The following CRB1 variants were observed in gnomAD, a reference collection of about 807,000 sequenced individuals.
The protein encoded by CRB1 is crumbs cell polarity complex component 1.
Under a neutral mutation model 120.0 loss-of-function variants are expected in CRB1, and 83 were observed. The ratio of observed to expected loss-of-function variants is 0.69; its 90% CI spans 0.58 to 0.83. The LOEUF (loss-of-function observed/expected upper bound fraction) is 0.83. Ranked by LOEUF, CRB1 falls within the 40% of genes least tolerant of loss-of-function variation. The probability of loss-of-function intolerance (pLI) is 0.00; values close to 1 mark genes in which losing one functional copy is unlikely to be tolerated. For missense variants in CRB1, 1,699 were observed against 1,687.6 expected, an observed-to-expected ratio of 1.01 and a Z score of -0.12; for synonymous variants, 625 against 612.5, an observed-to-expected ratio of 1.02 and a Z score of -0.30.
intron 11 of CRB1, among the ~76,000 whole-genome samples, chr1:197,446,090 C>T (rs1403638629): frequency 2.0e-5 from 3 of 151,096 alleles, no homozygotes; most frequent in Non-Finnish European, 2.9e-5. Flanking sequence ...CTCAGGAGGC[C>T]GAGGAAGGAG....
chr1:197,435,092 A>G lies in CRB1; in HGVS notation c.3229A>G (p.Asn1077Asp). The change falls in exon 9 of 12, where the codon AAT (asparagine) becomes GAT (aspartate). Residue 1077 changes from asparagine to aspartate, a missense_variant. Coordinates refer to ENST00000367400, the MANE Select transcript of CRB1 (RefSeq NM_201253.3). Reference protein sequence around the residue: ...ATGSLNFLKDNTDIYVGDRAI... With the variant: ...ATGSLNFLKDDTDIYVGDRAI... ...TGGAAGCCTCAACTTTTTGAAGGAT[A>G]ATACAGATATTTATGTGGGAGACAG... 1 of 1,613,984 alleles carries G rather than the reference A, an allele frequency of 6.2e-7. No homozygotes were observed. The highest frequency in any genetic ancestry group is 2.2e-5 in the East Asian group (1 of 44,882).
At chr1:197,201,541 T>G in the CRB1 span, among the ~76,000 whole-genome samples, 2 of 152,148 alleles carry the variant, frequency 1.3e-5, no homozygotes, top group African/African-American at 2.4e-5. Context: ...GCCGAATCCG[T>G]TACTCCGGGT....
chr1:197,242,387 G>A, the CRB1 span, among the ~76,000 whole-genome samples: 1 of 152,066 alleles, frequency 6.6e-6, no homozygotes, highest in African/African-American at 2.4e-5. Flanking sequence ...TTAGCATGAA[G>A]GGGTGTTTAA....
Position 197,443,506 on chromosome 1 carries a change from A to G in CRB1, c.4005+1214A>G, listed in dbSNP as rs534134293. ...ATGGACTAATTTCAGTTGCTTTTCA[A>G]TGAATATTTAATAAAAATAAGCACT... On this transcript the variant is annotated intron_variant, in intron 11 of 11. Coordinates refer to ENST00000367400, the MANE Select transcript of CRB1 (RefSeq NM_201253.3). 9.2e-5 allele frequency: 14 copies of G among 152,064 alleles called. No homozygotes were observed. In the East Asian group the frequency reaches 2.7e-3, roughly 29 times the overall value. The allele number at this position is 152,064 out of a possible 1,614,324, so 9.4% of individuals were successfully genotyped here.
intron 5 of CRB1, among the ~76,000 whole-genome samples, chr1:197,413,538 G>A (rs1463843423): frequency 6.6e-6 from 1 of 152,144 alleles, no homozygotes; most frequent in Admixed American, 6.5e-5. Context: ...TTGTTGTAAA[G>A]CAAAATAAAA....
At chr1:197,356,768 A>T in intron 4 of CRB1, 63 bp from the exon 5 acceptor site, 1 of 1,548,374 alleles carries the variant, frequency 6.5e-7, no homozygotes, top group South Asian at 1.1e-5. Flanking sequence ...ACCTCCTTTT[A>T]GGCAAATGCT....
intron 5 of CRB1, among the ~76,000 whole-genome samples, chr1:197,388,985 C>A (rs1376391468): frequency 6.6e-6 from 1 of 152,050 alleles, no homozygotes; most frequent in Non-Finnish European, 1.5e-5. Flanking sequence ...TAGAGGAATG[C>A]AAATCAAAAC....
chr1:197,241,548 C>T, the CRB1 span, among the ~76,000 whole-genome samples: 1 of 152,066 alleles, frequency 6.6e-6, no homozygotes, highest in Non-Finnish European at 1.5e-5. Context: ...CTATCCTGTT[C>T]CATTGGTCTA....
the CRB1 span, among the ~76,000 whole-genome samples, chr1:197,216,398 A>G: frequency 6.6e-6 from 1 of 152,178 alleles, no homozygotes. Flanking sequence ...ATAGATCCTG[A>G]TAATAAGTCA....
At chr1:197,205,388 C>T in the CRB1 span, among the ~76,000 whole-genome samples, 1 of 152,138 alleles carries the variant, frequency 6.6e-6, no homozygotes, top group Non-Finnish European at 1.5e-5. Context: ...GTGAATTTGT[C>T]ATAGACAGCT....
At chr1:197,469,089 G>A (rs188721047) in intron 11 of CRB1, among the ~76,000 whole-genome samples, 3 of 152,180 alleles carry the variant, frequency 2.0e-5, no homozygotes, top group African/African-American at 4.8e-5. Flanking sequence ...GTGGAGTGGC[G>A]CACGCCTGTA....
At chr1:197,442,091 A>G (rs1665472354) in intron 10 of CRB1, 75 bp from the exon 11 acceptor site, 6 of 1,598,400 alleles carry the variant, frequency 3.8e-6, no homozygotes, top group Non-Finnish European at 5.1e-6. Flanking sequence ...GAGATAAGGC[A>G]AACTTTTTCT....
chr1:197,467,643 C>T (rs1328481375), intron 11 of CRB1, among the ~76,000 whole-genome samples: 1 of 152,092 alleles, frequency 6.6e-6, no homozygotes, highest in Non-Finnish European at 1.5e-5. Flanking sequence ...TATTCTCTTG[C>T]TTTTGGAATT....
chr1:197,211,808 A>ATT, the CRB1 span, among the ~76,000 whole-genome samples: 4 of 151,640 alleles, frequency 2.6e-5, no homozygotes, highest in Non-Finnish European at 5.9e-5. Flanking sequence ...CAATATTAAA[A>ATT]TTTTTTTTTC....
intron 1 of CRB1, among the ~76,000 whole-genome samples, chr1:197,306,988 A>C (rs900730955): frequency 5.3e-5 from 8 of 152,186 alleles, no homozygotes; most frequent in African/African-American, 1.9e-4. Context: ...TCTTATAGTA[A>C]AAACAAATGT....
chr1:197,294,306 C>G (rs140179066), intron 1 of CRB1, among the ~76,000 whole-genome samples: 2 of 151,746 alleles, frequency 1.3e-5, no homozygotes, highest in Non-Finnish European at 2.9e-5. Context: ...AACAGACACA[C>G]GAAAAAAAAT....
rs1655042577 is a variant in CRB1, at chr1:197,273,864, CCATTTCT to C, written c.70+5384_70+5390del. On this transcript the variant is annotated intron_variant, in intron 1 of 11. Transcript: ENST00000367400. ...CCTGACCCAATCCTAGCATAAATCACCATTTCTCCAAGGAGCTCTGTTTCCTTTTATT... is the reference window on the plus strand; with the variant it reads ...CCTGACCCAATCCTAGCATAAATCACCCAAGGAGCTCTGTTTCCTTTTATT... Among the ~76,000 whole-genome samples the C allele has an allele frequency of 2.8e-4, 43 of 152,080 alleles. No individual in the cohort carries two copies. The South Asian group carries it at 8.9e-3, about 32-fold the overall frequency.
Position 197,328,978 on chromosome 1 carries a change from T to C in CRB1, c.627T>C (p.Thr209=), listed in dbSNP as rs755611610. 9.3e-6 allele frequency: 15 copies of C among 1,613,424 alleles called. No homozygotes were observed. The highest frequency in any genetic ancestry group is 1.1e-5 in the Non-Finnish European group (13 of 1,179,882). Reference sequence around the variant, plus strand: ...GCCTCAATGAAATAGGAAGATATACTTGTATCTGTCCCCACAATTATTCTG... The same window carrying C: ...GCCTCAATGAAATAGGAAGATATACCTGTATCTGTCCCCACAATTATTCTG... The part of the protein sequence containing the change: ...ATCLNEIGRY[T]CICPHNYSGV... Residue 209 remains threonine (T), a synonymous_variant, in exon 2 of 12, where the codon ACT becomes ACC. Coordinates refer to ENST00000367400, the MANE Select transcript of CRB1 (RefSeq NM_201253.3).
rs1667289619 is a variant in CRB1 at position 197,478,315 on chromosome 1, A to C, written c.*436A>C. 4.0e-6 allele frequency: 1 copy of C among 250,152 alleles called. No homozygotes were observed. The highest frequency in any genetic ancestry group is 7.8e-6 in the Non-Finnish European group (1 of 127,416). The allele number at this position is 250,152 out of a possible 1,614,324, so 15.5% of individuals were successfully genotyped here. On this transcript the variant is annotated 3_prime_UTR_variant, in exon 12 of 12. Coordinates refer to ENST00000367400, the MANE Select transcript of CRB1 (RefSeq NM_201253.3). ...ATTGGCTACATTTCTCACTTCTCCT[A>C]TCATGTGGTCAAAGTTATTGTTGTA...
Sources: allele counts gnomAD v4.1 joint callset (sites outside exome capture counted in the v4.1 genomes callset), GRCh38; gene constraint gnomAD v4.1.1; transcripts MANE v1.5; gene names NCBI Gene and HGNC (gene_info 2026-07-23, HGNC 2026-07-21).